The following USP33 variants were observed in gnomAD, a reference collection of about 807,000 sequenced individuals.
USP33 encodes the protein ubiquitin carboxyl-terminal hydrolase 33.
A neutral mutation model predicts 124.2 loss-of-function variants in USP33; 46 were observed. The ratio of observed to expected loss-of-function variants is 0.37; its 90% CI spans 0.29 to 0.47. The LOEUF is 0.47. USP33 is among the 20% of genes least tolerant of loss of function. The probability of loss-of-function intolerance (pLI) is 0.99; values close to 1 mark genes in which losing one functional copy is unlikely to be tolerated. For synonymous variants in USP33, 350 were observed against 352.3 expected, an observed-to-expected ratio of 0.99 and a Z score of 0.07; for missense variants, 851 against 1,070.6, an observed-to-expected ratio of 0.79 and a Z score of 2.86.
At position 77,717,990 on chromosome 1, in the gene USP33, T is replaced by G; in HGVS notation, c.1795A>C (p.Ser599Arg). The change falls in exon 17 of 24, where the codon AGT (serine) becomes CGT (arginine). Residue 599 changes from serine (S) to arginine (R), a missense_variant. Physicochemically the swap from Ser to Arg is moderately radical, Grantham distance 110 (BLOSUM62 -1). This residue lies in a region of USP33 where 281 missense variants were observed against 425.0 expected (regional missense o/e 0.66). Transcript: ENST00000370794. ...TCTAGCGGAAATGAAACATGGGTAC[T>G]GATTTTGGTGGAAAACATTAGTTCA... ...RHELMFSTKISTHVSFPLEGL... is the reference protein window; with the variant it reads ...RHELMFSTKIRTHVSFPLEGL... 1 of 1,613,862 alleles carries G rather than the reference T, an allele frequency of 6.2e-7. No homozygotes were observed. The highest frequency in any genetic ancestry group is 8.5e-7 in the Non-Finnish European group (1 of 1,179,872).
At chr1:77,709,618 C>A (rs986541010) in intron 21 of USP33, among the ~76,000 whole-genome samples, 3 of 150,522 alleles carry the variant, frequency 2.0e-5, no homozygotes, top group East Asian at 3.9e-4. Context: ...AGAACATATT[C>A]TCTCTCTATA....
chr1:77,726,239 C>T (rs1040913675), intron 10 of USP33, among the ~76,000 whole-genome samples: 2 of 152,144 alleles, frequency 1.3e-5, no homozygotes, highest in South Asian at 4.1e-4. Context: ...CATGAACCAC[C>T]GTGCCCAATC....
At chr1:77,698,047 G>A (rs1364169780) in intron 22 of USP33, 116 bp from the exon 23 acceptor site, 2 of 739,868 alleles carry the variant, frequency 2.7e-6, no homozygotes, top group African/African-American at 1.8e-5. Flanking sequence ...TTATTTCTCA[G>A]GCAAATTATT....
At position 77,727,514 on chromosome 1, in the gene USP33, C is replaced by T. The variant is rs372488652; in HGVS notation, c.1135+781G>A. Among the ~76,000 whole-genome samples, 4 of 152,328 alleles carry T rather than the reference C, an allele frequency of 2.6e-5. No homozygotes were observed. In the East Asian group the frequency reaches 7.7e-4, roughly 29 times the overall value. On this transcript the variant is annotated intron_variant, in intron 10 of 23. Transcript: ENST00000370794. ...TTCCCGATTAGAAAGCATCTGTGCA[C>T]TTTACCCAAGTGAACCACAAGTCTT...
At chr1:77,709,359 T>C (rs925943657) in intron 21 of USP33, among the ~76,000 whole-genome samples, 3 of 151,930 alleles carry the variant, frequency 2.0e-5, no homozygotes, top group Admixed American at 6.6e-5. Flanking sequence ...AAAATTTATT[T>C]TTTAAATTAG....
At chr1:77,727,022 A>G (rs1677245783) in intron 10 of USP33, among the ~76,000 whole-genome samples, 1 of 152,240 alleles carries the variant, frequency 6.6e-6, no homozygotes, top group Non-Finnish European at 1.5e-5. Context: ...CAGATAATGC[A>G]AAATCATTTT....
intron 10 of USP33, among the ~76,000 whole-genome samples, chr1:77,726,384 C>T (rs1202861058): frequency 1.3e-5 from 2 of 150,232 alleles, no homozygotes; most frequent in African/African-American, 2.4e-5. Context: ...GGGTGGCTAA[C>T]GCCTACAATC....
chr1:77,701,338 C>A, intron 22 of USP33, 31 bp downstream of exon 22: 1 of 1,521,288 alleles, frequency 6.6e-7, no homozygotes, highest in African/African-American at 1.4e-5. Flanking sequence ...AAATAATTTA[C>A]CAAAAAAAAA....
rs543186700 is a variant in USP33, at chr1:77,737,312, G to C, written c.352-1154C>G. 2.0e-5 allele frequency among the ~76,000 whole-genome samples: 3 copies of C among 152,304 alleles called. No individual in the cohort carries two copies. The East Asian group carries it at 5.8e-4, about 29-fold the overall frequency. On this transcript the variant is annotated intron_variant, in intron 5 of 23. Transcript: ENST00000370794. ...ATTTTACTTTCCTGACATCTGTAGA[G>C]ACTGGACATTTGAGTGGACTTCATA... is the stretch of plus-strand genomic sequence containing the variant.
chr1:77,730,769 A>T, intron 7 of USP33, 38 bp from the exon 8 acceptor site: 1 of 1,354,266 alleles, frequency 7.4e-7, no homozygotes, highest in East Asian at 2.4e-5. Context: ...AGTGGAGTCA[A>T]AGCTAATACT....
chr1:77,709,913 G>A (rs1055858987), intron 21 of USP33, among the ~76,000 whole-genome samples: 3 of 121,316 alleles, frequency 2.5e-5, no homozygotes, highest in South Asian at 3.2e-4. Context: ...ACACACACAC[G>A]TCCATATTTA....
intron 21 of USP33, among the ~76,000 whole-genome samples, chr1:77,706,940 CACA>C (rs906208028): frequency 8.5e-5 from 13 of 152,158 alleles, no homozygotes; most frequent in African/African-American, 2.7e-4. Flanking sequence ...CCCAAGTGAA[CACA>C]ACAACAATTT....
intron 1 of USP33, among the ~76,000 whole-genome samples, chr1:77,757,512 T>C (rs989694135): frequency 6.6e-6 from 1 of 152,238 alleles, no homozygotes; most frequent in African/African-American, 2.4e-5. Flanking sequence ...TTCCCACTTA[T>C]CAAAATGTTC....
chr1:77,708,938 C>T (rs938605126), intron 21 of USP33, among the ~76,000 whole-genome samples: 2 of 152,014 alleles, frequency 1.3e-5, no homozygotes, highest in African/African-American at 2.4e-5. Flanking sequence ...CTCTTGCCTC[C>T]GCCTCCTGAA....
intron 21 of USP33, among the ~76,000 whole-genome samples, chr1:77,703,460 CTAA>C (rs1166661734): frequency 6.6e-6 from 1 of 152,100 alleles, no homozygotes; most frequent in East Asian, 1.9e-4. Flanking sequence ...CTCATCTCTA[CTAA>C]TAATACAAAA....
At chr1:77,713,531 T>C in intron 19 of USP33, 1 of 311,170 alleles carries the variant, frequency 3.2e-6, no homozygotes, top group Non-Finnish European at 5.7e-6. Context: ...ACTACAGGCA[T>C]GCTTCAACAC....
rs1316408333 is a variant in USP33 at position 77,759,717 on chromosome 1, T to A, written c.-126A>T. 1 of 398,504 alleles carries A rather than the reference T, an allele frequency of 2.5e-6. No homozygotes were observed. The highest frequency in any genetic ancestry group is 4.4e-6 in the Non-Finnish European group (1 of 226,060). 24.7% of individuals were successfully genotyped at this position (398,504 alleles called of 1,614,324 possible). ...CAGCCGCACCTCCGCAAGCTCCTCTTTTCCTTCTCAGCTCTCGGAGAGGGG... is the reference window on the plus strand; with the variant it reads ...CAGCCGCACCTCCGCAAGCTCCTCTATTCCTTCTCAGCTCTCGGAGAGGGG... On this transcript the variant is annotated 5_prime_UTR_variant, in exon 1 of 24. Coordinates refer to ENST00000370794, the MANE Select transcript of USP33 (RefSeq NM_201624.3).
chr1:77,730,812 A>T, intron 7 of USP33, 81 bp from the exon 8 acceptor site: 1 of 878,054 alleles, frequency 1.1e-6, no homozygotes, highest in Non-Finnish European at 1.7e-6. Context: ...AACTGACAAC[A>T]CATACATTCC....
chr1:77,745,973 T>C (rs1477825248), intron 1 of USP33, among the ~76,000 whole-genome samples: 1 of 151,944 alleles, frequency 6.6e-6, no homozygotes, highest in Non-Finnish European at 1.5e-5. Flanking sequence ...TGAAAAGAAC[T>C]AGAGAAGAAA....
Sources: allele counts gnomAD v4.1 joint callset (sites outside exome capture counted in the v4.1 genomes callset), GRCh38; gene constraint gnomAD v4.1.1; regional missense constraint gnomAD v4.1.1; transcripts MANE v1.5; gene names NCBI Gene and HGNC (gene_info 2026-07-23, HGNC 2026-07-21).